Variants in RCAN1 observed in about 807,000 individuals in gnomAD.
RCAN1 encodes calcipressin-1.
Under a neutral mutation model 22.9 loss-of-function variants are expected in RCAN1, and 11 were observed. The observed-to-expected ratio is 0.48, with a 90% CI of 0.30 to 0.79. The LOEUF (loss-of-function observed/expected upper bound fraction) is 0.79. RCAN1 is among the 30% of genes least tolerant of loss of function. The probability of loss-of-function intolerance (pLI) is 0.06; values close to 1 mark genes in which losing one functional copy is unlikely to be tolerated. For missense variants in RCAN1, 291 were observed against 337.8 expected, an observed-to-expected ratio of 0.86 and a Z score of 1.09; for synonymous variants, 136 against 142.3, an observed-to-expected ratio of 0.96 and a Z score of 0.32.
chr21:34,518,777 C>G lies in RCAN1; in HGVS notation c.587-521G>C, dbSNP rs912411149. On this transcript the variant is annotated intron_variant, in intron 3 of 3. Transcript: ENST00000313806. This position sits in a 1 kb window ranked among gnomAD's most constrained non-coding sequence, Gnocchi z 4.2. ...TGCACGGAGCCAGGTGCTCTGGAAA[C>G]GTTTTTGACCTGGGCATCTTTTCCT... Among the ~76,000 whole-genome samples, 1 of 152,202 alleles carries G rather than the reference C, an allele frequency of 6.6e-6. No individual in the cohort carries two copies. The highest frequency in any genetic ancestry group is 1.5e-5 in the Non-Finnish European group (1 of 68,038).
chr21:34,610,158 A>G (rs1385012448), intron 1 of RCAN1, among the ~76,000 whole-genome samples: 1 of 152,210 alleles, frequency 6.6e-6, no homozygotes, highest in African/African-American at 2.4e-5. Context: ...CTGGCTTGGA[A>G]GAGGAACAGG....
intron 1 of RCAN1, among the ~76,000 whole-genome samples, chr21:34,576,711 T>C (rs1165935419): frequency 6.6e-6 from 1 of 152,222 alleles, no homozygotes; most frequent in African/African-American, 2.4e-5. Context: ...TGGAGTTTAC[T>C]GAGACTCTAA....
intron 1 of RCAN1, among the ~76,000 whole-genome samples, chr21:34,528,466 A>G (rs1568887511): frequency 6.6e-6 from 1 of 152,264 alleles, no homozygotes; most frequent in Non-Finnish European, 1.5e-5. Context: ...GAACAATGCA[A>G]CATGCATCAA....
intron 1 of RCAN1, among the ~76,000 whole-genome samples, chr21:34,558,430 T>C (rs1453283445): frequency 2.0e-5 from 3 of 151,996 alleles, no homozygotes; most frequent in Non-Finnish European, 4.4e-5. Flanking sequence ...AGATGACTGA[T>C]GAGCTGGAAT....
chr21:34,566,464 A>G (rs2123674741), intron 1 of RCAN1, among the ~76,000 whole-genome samples: 1 of 152,278 alleles, frequency 6.6e-6, no homozygotes, highest in South Asian at 2.1e-4. Flanking sequence ...GCCACATTCA[A>G]ATTTAGGATT....
intron 1 of RCAN1, among the ~76,000 whole-genome samples, chr21:34,558,444 C>A (rs966301094): frequency 6.6e-6 from 1 of 152,150 alleles, no homozygotes; most frequent in Admixed American, 6.5e-5. Flanking sequence ...CTGGAATGAT[C>A]AAGAAAGGCT....
chr21:34,552,322 G>A (rs781155715), intron 1 of RCAN1, among the ~76,000 whole-genome samples: 1 of 152,192 alleles, frequency 6.6e-6, no homozygotes, highest in African/African-American at 2.4e-5. Context: ...AACAAGATCC[G>A]AAGTGACTCC....
At chr21:34,521,189 G>T in intron 3 of RCAN1, 1 of 1,362,976 alleles carries the variant, frequency 7.3e-7, no homozygotes, top group Non-Finnish European at 9.4e-7. Context: ...CCTGGGGCCG[G>T]GGCTCAGGCC....
intron 1 of RCAN1, among the ~76,000 whole-genome samples, chr21:34,583,688 G>A (rs1179429025): frequency 6.6e-6 from 1 of 152,134 alleles, no homozygotes; most frequent in Non-Finnish European, 1.5e-5. Context: ...CCAGAACTGT[G>A]AGAGAAAAAA....
At chr21:34,555,134 T>G (rs2834533) in intron 1 of RCAN1, among the ~76,000 whole-genome samples, 36,751 of 152,022 alleles carry the variant, frequency 0.24, 5,185 homozygotes, top group African/African-American at 0.39. Flanking sequence ...CTATGAGACA[T>G]ATGAAAACAG....
At chr21:34,526,705 G>A (rs1292991872) in intron 1 of RCAN1, 1 of 1,613,670 alleles carries the variant, frequency 6.2e-7, no homozygotes, top group East Asian at 2.2e-5. Flanking sequence ...TTGCCACACA[G>A]GCAATCAGGG....
chr21:34,572,815 G>A (rs1393194555), intron 1 of RCAN1, among the ~76,000 whole-genome samples: 1 of 152,162 alleles, frequency 6.6e-6, no homozygotes, highest in African/African-American at 2.4e-5. Flanking sequence ...TGGCAGAAGG[G>A]CAAAAGAGAA....
intron 1 of RCAN1, among the ~76,000 whole-genome samples, chr21:34,565,161 T>G (rs76534603): frequency 1.5e-3 from 226 of 152,346 alleles, no homozygotes; most frequent in African/African-American, 5.2e-3. Context: ...ATGGTGTCAC[T>G]GCAATCTAGC....
rs576070869 is a variant in RCAN1 at position 34,576,302 on chromosome 21, C to G, written c.252+38458G>C. ...TCTGCAGGTTCGTACCTGCACCACC[C>G]CTCTCTGGAGGCTGTGTCCTCTACC... On this transcript the variant is annotated intron_variant, in intron 1 of 3. Coordinates refer to ENST00000313806, the MANE Select transcript of RCAN1 (RefSeq NM_004414.7). 7.9e-5 allele frequency among the ~76,000 whole-genome samples: 12 copies of G among 152,322 alleles called. No homozygotes were observed. The South Asian group carries it at 2.5e-3, about 32-fold the overall frequency.
In RCAN1 at chr21:34,614,749, G is replaced by C. The variant is rs1207557617; in HGVS notation, c.252+11C>G. ...CCTCCGCCCCGACGGCCCGCCCGGC[G>C]CGGTCCTCACCCGGCACAGGCCGTC... is the stretch of plus-strand genomic sequence containing the variant. On this transcript the variant is annotated intron_variant, in intron 1 of 3. Coordinates refer to ENST00000313806, the MANE Select transcript of RCAN1 (RefSeq NM_004414.7). The surrounding 1 kb of genome is among the most constrained non-coding windows in gnomAD (Gnocchi z 6.0). The C allele has an allele frequency of 4.2e-6, 6 of 1,419,542 alleles. No individual in the cohort carries two copies. In the South Asian group the frequency reaches 6.7e-5, roughly 16 times the overall value. The allele number at this position is 1,419,542 out of a possible 1,614,324, so 87.9% of individuals were successfully genotyped here. A position where few individuals can be genotyped will look rare whatever the true frequency, so the allele number is the denominator to read the frequency against.
chr21:34,549,251 G>C (rs1227286999), intron 1 of RCAN1, among the ~76,000 whole-genome samples: 1 of 152,212 alleles, frequency 6.6e-6, no homozygotes, highest in African/African-American at 2.4e-5. Flanking sequence ...TGAAAGAAGA[G>C]GGTCAGACAA....
chr21:34,586,230 T>C (rs966641152), intron 1 of RCAN1, among the ~76,000 whole-genome samples: 11 of 152,236 alleles, frequency 7.2e-5, no homozygotes, highest in African/African-American at 2.7e-4. Context: ...ACTGCATCTA[T>C]ATATGTTGTT....
intron 1 of RCAN1, among the ~76,000 whole-genome samples, chr21:34,531,532 T>A (rs3787719): frequency 6.6e-6 from 1 of 152,018 alleles, no homozygotes; most frequent in Non-Finnish European, 1.5e-5. Context: ...TCGCTTGGCC[T>A]GTGTCTTACC....
At chr21:34,532,982 A>G (rs1985476088) in intron 1 of RCAN1, among the ~76,000 whole-genome samples, 2 of 146,740 alleles carry the variant, frequency 1.4e-5, no homozygotes, top group South Asian at 2.1e-4. Context: ...TTTTTTTGAG[A>G]CGGAGTCTTG....
Sources: gnomAD v4.1 joint callset for allele counts (sites outside exome capture counted in the v4.1 genomes callset) on GRCh38, gnomAD v4.1.1 for gene constraint, Gnocchi (gnomAD v3.1) non-coding constraint, MANE v1.5 for transcripts, NCBI Gene and HGNC (gene_info 2026-07-23, HGNC 2026-07-21) for gene names.